Variants in TMEM40 observed in about 807,000 individuals in gnomAD.
TMEM40 encodes the protein transmembrane protein 40.
A neutral mutation model predicts 40.8 loss-of-function variants in TMEM40; 34 were observed. The observed-to-expected ratio is 0.83, with a 90% CI of 0.63 to 1.11. The LOEUF is 1.11. Ranked by LOEUF, TMEM40 falls within the 50% of genes least tolerant of loss-of-function variation. The pLI is 0.00. For missense variants in TMEM40, 296 were observed against 280.2 expected (o/e 1.06, Z -0.40); for synonymous variants, 106 against 107.0 (o/e 0.99, Z 0.06).
At position 12,759,196 on chromosome 3, in the gene TMEM40, G is replaced by A. The variant is rs1489884384; in HGVS notation, c.-14C>T. On this transcript the variant is annotated 5_prime_UTR_variant, in exon 1 of 12. Coordinates refer to ENST00000314124, the MANE Select transcript of TMEM40 (RefSeq NM_018306.4). Reference sequence around the variant, plus strand: ...CCAGCCCCATGTCCCATTACCTGTGGTCCTTCAGCTTGTCTGGGCAGCAAG... The same window carrying A: ...CCAGCCCCATGTCCCATTACCTGTGATCCTTCAGCTTGTCTGGGCAGCAAG... 3 of 152,660 alleles carry A rather than the reference G, an allele frequency of 2.0e-5. No individual in the cohort carries two copies. Among genetic ancestry groups the A allele is most frequent in the Non-Finnish European group, 2.9e-5 (2 of 68,408 alleles). The allele number at this position is 152,660 out of a possible 1,614,324, so 9.5% of individuals were successfully genotyped here.
chr3:12,735,917 C>T (rs1019936179), intron 10 of TMEM40, among the ~76,000 whole-genome samples: 4 of 152,186 alleles, frequency 2.6e-5, no homozygotes, highest in Admixed American at 1.3e-4. Context: ...ATTTTATAGA[C>T]AGAGTCTTGC....
intron 1 of TMEM40, among the ~76,000 whole-genome samples, chr3:12,756,964 C>T (rs1034130073): frequency 1.3e-5 from 2 of 152,076 alleles, no homozygotes; most frequent in African/African-American, 4.8e-5. Context: ...TCAGACAGAC[C>T]TAGATCTTCA....
At chr3:12,757,553 C>T (rs1347795372) in intron 1 of TMEM40, among the ~76,000 whole-genome samples, 1 of 151,944 alleles carries the variant, frequency 6.6e-6, no homozygotes, top group Admixed American at 6.6e-5. Flanking sequence ...CCCCTTCACA[C>T]CCACTAGGGT....
At chr3:12,769,343 C>T (rs1023998434) in exon 1 of TMEM40, 6 of 279,970 alleles carry the variant, frequency 2.1e-5, no homozygotes, top group East Asian at 2.6e-4. Flanking sequence ...TCCTCAAGTG[C>T]GGCCAGAGTG....
intron 3 of TMEM40, among the ~76,000 whole-genome samples, chr3:12,745,690 C>G (rs1206210711): frequency 1.2e-4 from 18 of 152,188 alleles, no homozygotes; most frequent in Admixed American, 1.2e-3. Context: ...CTCAAGTGAT[C>G]CACTCACCTT....
chr3:12,760,865 C>T (rs1447644234), upstream of TMEM40, among the ~76,000 whole-genome samples: 1 of 152,076 alleles, frequency 6.6e-6, no homozygotes, highest in East Asian at 1.9e-4. Flanking sequence ...CCTCAGCCTG[C>T]TGAGGAGCTG....
At chr3:12,768,235 G>A (rs1006403259) in intron 1 of TMEM40, among the ~76,000 whole-genome samples, 2 of 152,110 alleles carry the variant, frequency 1.3e-5, no homozygotes, top group Non-Finnish European at 2.9e-5. Flanking sequence ...TCAGAAGTGA[G>A]CCTGCAGACC....
chr3:12,754,943 T>TTTTC lies in TMEM40; in HGVS notation c.-9+4244_-9+4247dup, dbSNP rs2061507496. Among the ~76,000 whole-genome samples, 6 of 151,144 alleles carry TTTTC rather than the reference T, an allele frequency of 4.0e-5. No homozygotes were observed. In the South Asian group the frequency reaches 1.0e-3, roughly 26 times the overall value. On this transcript the variant is annotated intron_variant, in intron 1 of 11. Coordinates refer to ENST00000314124, the MANE Select transcript of TMEM40 (RefSeq NM_018306.4). ...TATATAAAAGAATTTTCTTCTTTTC[T>TTTTC]TTTCTTTCCTTCTTTCTTTCTTTCT...
At chr3:12,768,573 G>T (rs1429135609) in intron 1 of TMEM40, among the ~76,000 whole-genome samples, 1 of 151,932 alleles carries the variant, frequency 6.6e-6, no homozygotes, top group African/African-American at 2.4e-5. Flanking sequence ...GTGCCGACTG[G>T]TGCATCCACA....
chr3:12,737,933 C>A, intron 7 of TMEM40, 179 bp from the exon 8 acceptor site: 2 of 898,154 alleles, frequency 2.2e-6, no homozygotes, highest in Non-Finnish European at 3.5e-6. Flanking sequence ...CCCCCACTGA[C>A]TTCCTCCTCC....
intron 1 of TMEM40, among the ~76,000 whole-genome samples, chr3:12,750,348 C>T (rs1017660975): frequency 1.3e-5 from 2 of 152,056 alleles, no homozygotes; most frequent in Admixed American, 1.3e-4. Flanking sequence ...GGCCAACATC[C>T]AGGAATGACT....
chr3:12,755,389 C>T (rs907654786), intron 1 of TMEM40, among the ~76,000 whole-genome samples: 1 of 151,902 alleles, frequency 6.6e-6, no homozygotes, highest in East Asian at 1.9e-4. Context: ...AATTCTCCTG[C>T]CTCAGCCTCC....
In TMEM40 at chr3:12,743,889, C is replaced by T. The variant is rs370049537; in HGVS notation, c.301+11G>A. The T allele has an allele frequency of 1.9e-6, 3 of 1,612,688 alleles. No individual in the cohort carries two copies. Among genetic ancestry groups the T allele is most frequent in the African/African-American group, 2.7e-5 (2 of 74,904 alleles). On this transcript the variant is annotated intron_variant, in intron 4 of 11. Transcript: ENST00000314124. ...GTGGGCAAAAGAAAAATGGTAAGGCCTATTTCCTACCGGGTGAGCCGTTCC... is the reference window on the plus strand; with the variant it reads ...GTGGGCAAAAGAAAAATGGTAAGGCTTATTTCCTACCGGGTGAGCCGTTCC...
chr3:12,737,828 AT>A, intron 7 of TMEM40, 74 bp from the exon 8 acceptor site: 1 of 1,430,082 alleles, frequency 7.0e-7, no homozygotes, highest in Middle Eastern at 1.8e-4. Context: ...TCCCTGCCTC[AT>A]TGAGAATTAA....
chr3:12,756,697 G>A (rs1397729403), intron 1 of TMEM40, among the ~76,000 whole-genome samples: 1 of 151,900 alleles, frequency 6.6e-6, no homozygotes, highest in Non-Finnish European at 1.5e-5. Flanking sequence ...GAGCCAGGCG[G>A]GTCCCTTCTC....
intron 1 of TMEM40, among the ~76,000 whole-genome samples, chr3:12,758,369 A>C (rs929839450): frequency 6.0e-4 from 92 of 152,240 alleles, no homozygotes; most frequent in African/African-American, 2.1e-3. Flanking sequence ...AGAAGAAAAT[A>C]ATAAGCACAA....
intron 3 of TMEM40, among the ~76,000 whole-genome samples, chr3:12,748,196 C>T (rs1275148826): frequency 1.3e-5 from 2 of 152,142 alleles, no homozygotes; most frequent in Admixed American, 6.6e-5. Flanking sequence ...TGCTCTCATC[C>T]CCATCTTCTA....
rs565286019 is a variant in TMEM40 at position 12,734,180 on chromosome 3, G to T, written c.*594C>A. ...CCTTAGCCTGAGCCTCCCAAAGTGC[G>T]AGGATTACAGTTGTGAGCCCCCATG... On this transcript the variant is annotated 3_prime_UTR_variant, in exon 12 of 12. Transcript: ENST00000314124. The T allele has an allele frequency of 6.6e-6, 1 of 152,228 alleles. No individual in the cohort carries two copies. Among genetic ancestry groups the T allele is most frequent in the Non-Finnish European group, 1.5e-5 (1 of 68,144 alleles). 9.4% of individuals were successfully genotyped at this position (152,228 alleles called of 1,614,324 possible).
At position 12,743,979 on chromosome 3, in the gene TMEM40, A is replaced by G. The variant is rs371342903; in HGVS notation, c.222T>C (p.Asp74=). 7.9e-5 allele frequency: 127 copies of G among 1,612,082 alleles called. No homozygotes were observed. In the Middle Eastern group the frequency reaches 6.6e-3, roughly 83 times the overall value. The change falls in exon 4 of 12, where the codon GAT becomes GAC. Residue 74 remains aspartate, a synonymous_variant. Transcript: ENST00000314124. ...CGGTTGCTCTGGGTTGCTGGTCCTC[A>G]TCATTGCTCTCTGCGGGTAACAAAC... ...SSSSSSSESN[D]EDQQPRATGK... is the part of the protein sequence containing the mutation.
Sources: gnomAD v4.1 joint callset for allele counts (sites outside exome capture counted in the v4.1 genomes callset) on GRCh38, gnomAD v4.1.1 for gene constraint, MANE v1.5 for transcripts, NCBI Gene and HGNC (gene_info 2026-07-23, HGNC 2026-07-21) for gene names.